Variants in KATNIP observed in about 807,000 individuals in gnomAD.
The protein encoded by KATNIP is katanin-interacting protein.
In KATNIP, 126 loss-of-function variants were observed where a neutral mutation model predicts 174.0. The ratio of observed to expected loss-of-function variants is 0.72; its 90% confidence interval spans 0.63 to 0.84. KATNIP has a LOEUF of 0.84. Among genes scored for constraint, KATNIP ranks in the 40% least tolerant of loss-of-function variants. KATNIP has a pLI of 0.00. For synonymous variants in KATNIP, 810 were observed against 835.7 expected, an observed-to-expected ratio of 0.97 and a Z score of 0.53; for missense variants, 1,958 against 2,109.7, an observed-to-expected ratio of 0.93 and a Z score of 1.41.
chr16:27,628,524 A>C, intron 3 of KATNIP, 137 bp from the exon 4 acceptor site: 2 of 931,118 alleles, frequency 2.1e-6, no homozygotes, highest in South Asian at 3.3e-5. Flanking sequence ...GTTTGTAGAC[A>C]AACAGCTGGG....
At chr16:27,604,024 A>G (rs1259745724) in intron 2 of KATNIP, among the ~76,000 whole-genome samples, 3 of 152,164 alleles carry the variant, frequency 2.0e-5, no homozygotes, top group Non-Finnish European at 2.9e-5. Context: ...AGTGTGAGCC[A>G]CTGTGCCTGG....
chr16:27,709,742 C>T (rs531618539), intron 13 of KATNIP, among the ~76,000 whole-genome samples: 3 of 152,268 alleles, frequency 2.0e-5, no homozygotes, highest in African/African-American at 7.2e-5. Flanking sequence ...CACTCTCTCC[C>T]TAAGCTGTTT....
intron 6 of KATNIP, chr16:27,654,883 A>G (rs233470): frequency 0.83 from 449,367 of 541,770 alleles, 188,542 homozygotes; most frequent in East Asian, 0.91. Context: ...TAATCCCAGC[A>G]CTTTGGGAGG....
In KATNIP at chr16:27,761,280, C is replaced by G. The variant is rs2081945634; in HGVS notation, c.3632-133C>G. 3.3e-6 allele frequency: 3 copies of G among 911,462 alleles called. No individual in the cohort carries two copies. The South Asian group carries it at 5.3e-5, about 16-fold the overall frequency. The allele number at this position is 911,462 out of a possible 1,614,324, so 56.5% of individuals were successfully genotyped here. ...CCTAGAGGAAAGCCACAGAGCCCACCTGCAAGGCACTTTGGGTCTGGGTTG... is the reference window on the plus strand; with the variant it reads ...CCTAGAGGAAAGCCACAGAGCCCACGTGCAAGGCACTTTGGGTCTGGGTTG... On this transcript the variant is annotated intron_variant, in intron 18 of 27. Transcript: ENST00000261588.
At chr16:27,718,612 C>T (rs1407020966) in intron 13 of KATNIP, 1 of 152,234 alleles carries the variant, frequency 6.6e-6, no homozygotes, top group Non-Finnish European at 1.5e-5. Flanking sequence ...CAATTACAGT[C>T]CCCTAGCCCA....
intron 2 of KATNIP, among the ~76,000 whole-genome samples, chr16:27,614,524 G>T (rs1156780644): frequency 2.0e-5 from 3 of 152,038 alleles, no homozygotes; most frequent in Admixed American, 6.5e-5. Flanking sequence ...GCCCAGACTG[G>T]TCTCAAACTC....
chr16:27,767,619 C>T (rs1464023653), intron 20 of KATNIP, among the ~76,000 whole-genome samples: 1 of 152,152 alleles, frequency 6.6e-6, no homozygotes, highest in Non-Finnish European at 1.5e-5. Context: ...GAGGCTAAGG[C>T]AGGAGGATCT....
chr16:27,635,046 A>AGATCCC (rs1184981646), intron 5 of KATNIP, among the ~76,000 whole-genome samples: 1 of 152,212 alleles, frequency 6.6e-6, no homozygotes, highest in African/African-American at 2.4e-5. Flanking sequence ...GTTCTCACGC[A>AGATCCC]GATCCCGTTC....
chr16:27,602,874 T>C (rs1213298684), intron 2 of KATNIP, among the ~76,000 whole-genome samples: 1 of 152,168 alleles, frequency 6.6e-6, no homozygotes, highest in East Asian at 1.9e-4. Context: ...AATTTTTGTA[T>C]TTTCAGTAGA....
chr16:27,572,827 A>C (rs2090357995), intron 1 of KATNIP, among the ~76,000 whole-genome samples: 1 of 152,214 alleles, frequency 6.6e-6, no homozygotes, highest in Non-Finnish European at 1.5e-5. Context: ...TAAATTCTCC[A>C]GTGGCCTCAT....
chr16:27,704,130 CCT>C lies in KATNIP; in HGVS notation c.1389+134_1389+135del, dbSNP rs1491497569. 4.7e-5 allele frequency: 32 copies of C among 686,724 alleles called. No individual in the cohort carries two copies. In the East Asian group the frequency reaches 6.6e-4, roughly 14 times the overall value. The allele number at this position is 686,724 out of a possible 1,614,324, so 42.5% of individuals were successfully genotyped here. ...CTGCCTGTGTTTCCACCGCCCCCCC[CCT>C]CCCTGGCACACAGAGGTATATATGA... On this transcript the variant is annotated intron_variant, in intron 12 of 27. Coordinates refer to ENST00000261588, the MANE Select transcript of KATNIP (RefSeq NM_015202.5).
intron 2 of KATNIP, among the ~76,000 whole-genome samples, chr16:27,585,816 G>T (rs2090875365): frequency 6.6e-6 from 1 of 152,082 alleles, no homozygotes; most frequent in African/African-American, 2.4e-5. Flanking sequence ...AAAGTAGAAA[G>T]AATGGCTGGG....
chr16:27,776,098 T>G lies in KATNIP; in HGVS notation c.4450-830T>G, dbSNP rs1241745209. ...CTGGACTCCAACATCTGTATCTGCT[T>G]GAGCCTCACAGGCAACTGAGTTTGG... is the stretch of plus-strand genomic sequence containing the variant. On this transcript the variant is annotated intron_variant, in intron 24 of 27. Coordinates refer to ENST00000261588, the MANE Select transcript of KATNIP (RefSeq NM_015202.5). This position sits in a 1 kb window ranked among gnomAD's most constrained non-coding sequence, Gnocchi z 4.7. 6.6e-6 allele frequency among the ~76,000 whole-genome samples: 1 copy of G among 152,132 alleles called. No homozygotes were observed. Among genetic ancestry groups the G allele is most frequent in the Admixed American group, 6.5e-5 (1 of 15,274 alleles).
At position 27,677,851 on chromosome 16, in the gene KATNIP, A is replaced by G. The variant is rs996653744; in HGVS notation, c.663A>G (p.Ala221=). The G allele has an allele frequency of 6.2e-7, 1 of 1,614,196 alleles. No homozygotes were observed. Among genetic ancestry groups the G allele is most frequent in the Non-Finnish European group, 8.5e-7 (1 of 1,180,034 alleles). ...CTGAGCCTGAGCCAGAGGACCCGGC[A>G]CTGGTGGGCCATCCCAGACATGACC... ...ILSEPEPEDP[A]LVGHPRHDRP... Residue 221 remains alanine (A), a synonymous_variant, in exon 7 of 28, where the codon GCA becomes GCG. Transcript: ENST00000261588.
Position 27,750,041 on chromosome 16 carries a change from C to A in KATNIP, c.3081C>A (p.Asp1027Glu). ...ATATTTTACCAGCCTATGGGAAAGA[C>A]CCCCGCGTGGTCACCAACCTCATCG... ...DINILPAYGK[D>E]PRVVTNLIDG... is the part of the protein sequence containing the mutation. Residue 1027 changes from aspartate (D) to glutamate (E), a missense_variant, in exon 16 of 28, where the codon GAC (aspartate) becomes GAA (glutamate). Physicochemically the swap from Asp to Glu is conservative, Grantham distance 45. Around this residue, in one of 3 missense-constraint regions of KATNIP, gnomAD observed 1,557 missense variants for 1,617.8 expected, o/e 0.96. Coordinates refer to ENST00000261588, the MANE Select transcript of KATNIP (RefSeq NM_015202.5). The A allele has an allele frequency of 3.7e-6, 6 of 1,614,194 alleles. No homozygotes were observed. Among genetic ancestry groups the A allele is most frequent in the Non-Finnish European group, 5.1e-6 (6 of 1,180,036 alleles).
chr16:27,560,415 G>C (rs1194204989), intron 1 of KATNIP, among the ~76,000 whole-genome samples: 1 of 152,066 alleles, frequency 6.6e-6, no homozygotes, highest in Admixed American at 6.6e-5. Flanking sequence ...CTGAACAGTG[G>C]CCACCCCCTT....
In KATNIP at chr16:27,777,992, G is replaced by C; in HGVS notation, c.4801+23G>C. 6.2e-7 allele frequency: 1 copy of C among 1,607,114 alleles called. No individual in the cohort carries two copies. Among genetic ancestry groups the C allele is most frequent in the East Asian group, 2.2e-5 (1 of 44,844 alleles). On this transcript the variant is annotated intron_variant, in intron 27 of 27. Transcript: ENST00000261588. This position sits in a 1 kb window ranked among gnomAD's most constrained non-coding sequence, Gnocchi z 4.4. ...CAGGTCAGTGGCGTTTCTCTGCCCAGAGCATTGTGCCTTGGGAGCTCGGTC... is the reference window on the plus strand; with the variant it reads ...CAGGTCAGTGGCGTTTCTCTGCCCACAGCATTGTGCCTTGGGAGCTCGGTC...
intron 6 of KATNIP, among the ~76,000 whole-genome samples, chr16:27,661,477 C>T (rs144383878): frequency 0.01 from 1,583 of 151,942 alleles, 25 homozygotes; most frequent in African/African-American, 0.035. Flanking sequence ...CTGCAACCTC[C>T]GCCTCCCGGG....
At chr16:27,622,653 C>A (rs2076229992) in intron 3 of KATNIP, among the ~76,000 whole-genome samples, 1 of 152,106 alleles carries the variant, frequency 6.6e-6, no homozygotes, top group Non-Finnish European at 1.5e-5. Context: ...TGAGAAAGGT[C>A]ATTCAAGGGA....
Sources: allele counts gnomAD v4.1 joint callset (sites outside exome capture counted in the v4.1 genomes callset), GRCh38; gene constraint gnomAD v4.1.1; regional missense constraint gnomAD v4.1.1; non-coding constraint Gnocchi (gnomAD v3.1); transcripts MANE v1.5; gene names NCBI Gene and HGNC (gene_info 2026-07-23, HGNC 2026-07-21).